Variants in CXCL17 observed in about 807,000 individuals in gnomAD.
CXCL17 encodes C-X-C motif chemokine 17.
Under a neutral mutation model 15.5 loss-of-function variants are expected in CXCL17, and 9 were observed. The ratio of observed to expected loss-of-function variants is 0.58; its 90% CI spans 0.35 to 1.01. CXCL17 has a LOEUF of 1.01. Ranked by LOEUF, CXCL17 falls within the 50% of genes least tolerant of loss-of-function variation. The probability of loss-of-function intolerance (pLI) is 0.02; values close to 1 mark genes in which losing one functional copy is unlikely to be tolerated. For missense variants in CXCL17, 133 were observed against 138.2 expected, an observed-to-expected ratio of 0.96 and a Z score of 0.19; for synonymous variants, 52 against 52.3, an observed-to-expected ratio of 0.99 and a Z score of 0.02.
chr19:42,437,061 C>T (rs1028405731), intron 1 of CXCL17, among the ~76,000 whole-genome samples: 1 of 152,118 alleles, frequency 6.6e-6, no homozygotes, highest in African/African-American at 2.4e-5. Context: ...CCTCAGCCTC[C>T]CAAGTAGCTG....
chr19:42,435,183 A>G (rs1288389721), intron 1 of CXCL17, among the ~76,000 whole-genome samples: 1 of 152,090 alleles, frequency 6.6e-6, no homozygotes, highest in Non-Finnish European at 1.5e-5. Flanking sequence ...GGTCTCAAAA[A>G]AAAAAAAAAA....
chr19:42,440,315 C>T (rs2040879130), intron 1 of CXCL17, among the ~76,000 whole-genome samples: 1 of 152,128 alleles, frequency 6.6e-6, no homozygotes, highest in African/African-American at 2.4e-5. Context: ...CTGTGAAAAG[C>T]ATATTGAGCA....
In CXCL17 at chr19:42,433,720, G is replaced by A. The variant is rs1228297084; in HGVS notation, c.160+56C>T. 4 of 1,455,842 alleles carry A rather than the reference G, an allele frequency of 2.7e-6. No individual in the cohort carries two copies. The African/African-American group carries it at 4.2e-5, about 15-fold the overall frequency. The allele number at this position is 1,455,842 out of a possible 1,614,324, so 90.2% of individuals were successfully genotyped here. On this transcript the variant is annotated intron_variant, in intron 2 of 3. Transcript: ENST00000601181. ...TGCATTGGTCTCAGAGGGGCCCAAG[G>A]GAGAGAGCTGGGGTCATGGTGATGC...
intron 3 of CXCL17, among the ~76,000 whole-genome samples, chr19:42,430,797 AT>A (rs1356584307): frequency 6.6e-6 from 1 of 151,702 alleles, no homozygotes; most frequent in Non-Finnish European, 1.5e-5. Context: ...TTTAAACTTT[AT>A]GTATATATTA....
At chr19:42,431,994 AAAGT>A (rs1426333563) in intron 3 of CXCL17, among the ~76,000 whole-genome samples, 10 of 152,256 alleles carry the variant, frequency 6.6e-5, no homozygotes, top group Admixed American at 3.9e-4. Context: ...GAGATTTCCT[AAAGT>A]AAGATTACTA....
chr19:42,429,019 C>A (rs1395191983), intron 3 of CXCL17, 38 bp from the exon 4 acceptor site: 1 of 1,478,022 alleles, frequency 6.8e-7, no homozygotes, highest in East Asian at 2.3e-5. Context: ...AGTGTTAAAA[C>A]CATTTTTAAC....
intron 2 of CXCL17, 51 bp from the exon 3 acceptor site, chr19:42,433,128 G>A: frequency 3.8e-6 from 5 of 1,319,642 alleles, no homozygotes; most frequent in Middle Eastern, 1.9e-4. Flanking sequence ...CATTTGATAG[G>A]AGGGAGTAGG....
chr19:42,431,285 C>T (rs1049531816), intron 3 of CXCL17, among the ~76,000 whole-genome samples: 1 of 152,242 alleles, frequency 6.6e-6, no homozygotes, highest in African/African-American at 2.4e-5. Flanking sequence ...CTGCCCTCCT[C>T]TCACTGGTCT....
At chr19:42,441,291 G>A (rs1307850465) in intron 1 of CXCL17, among the ~76,000 whole-genome samples, 1 of 152,186 alleles carries the variant, frequency 6.6e-6, no homozygotes, top group Non-Finnish European at 1.5e-5. Flanking sequence ...CGCTCAGGAG[G>A]GAGACCACAT....
At chr19:42,442,637 A>C in intron 1 of CXCL17, 117 bp downstream of exon 1, 2 of 691,680 alleles carry the variant, frequency 2.9e-6, no homozygotes, top group Admixed American at 5.2e-5. Context: ...ACTGGCATTG[A>C]GAAAGGCTCA....
At chr19:42,436,139 T>A (rs981359354) in intron 1 of CXCL17, among the ~76,000 whole-genome samples, 2 of 149,222 alleles carry the variant, frequency 1.3e-5, no homozygotes, top group Non-Finnish European at 2.9e-5. Flanking sequence ...TCCTAACACA[T>A]GGTAGGCATT....
intron 1 of CXCL17, among the ~76,000 whole-genome samples, chr19:42,436,539 A>G (rs1174238843): frequency 6.6e-6 from 1 of 152,088 alleles, no homozygotes; most frequent in Non-Finnish European, 1.5e-5. Flanking sequence ...TTTTGAAAGT[A>G]CAAACAGAGA....
intron 1 of CXCL17, among the ~76,000 whole-genome samples, chr19:42,436,451 G>C (rs921417006): frequency 6.6e-6 from 1 of 151,680 alleles, no homozygotes; most frequent in African/African-American, 2.4e-5. Flanking sequence ...GGAAATCCCA[G>C]AGATTATTTA....
chr19:42,438,384 AT>A lies in CXCL17; in HGVS notation c.79+4369del, dbSNP rs1432046522. On this transcript the variant is annotated intron_variant, in intron 1 of 3. Transcript: ENST00000601181. Reference sequence around the variant, plus strand: ...AAAAAAAAAAAAAAAAAAAAAAAATATATATATATATATATATATATAAAAT... The same window carrying A: ...AAAAAAAAAAAAAAAAAAAAAAAATAATATATATATATATATATATAAAAT... Among the ~76,000 whole-genome samples, 322 of 68,200 alleles carry A rather than the reference AT, an allele frequency of 4.7e-3. 4 individuals carry two copies. The highest frequency in any genetic ancestry group is 0.019 in the African/African-American group (207 of 10,850). The allele number at this position is 68,200 out of a possible 152,430, so 44.7% of individuals were successfully genotyped here. A position where few individuals can be genotyped will look rare whatever the true frequency, so the allele number is the denominator to read the frequency against.
intron 1 of CXCL17, among the ~76,000 whole-genome samples, chr19:42,434,067 C>T (rs1473769968): frequency 6.6e-6 from 1 of 152,136 alleles, no homozygotes; most frequent in Non-Finnish European, 1.5e-5. Flanking sequence ...CTCTTGGGCT[C>T]CAGTGGTCCT....
intron 1 of CXCL17, among the ~76,000 whole-genome samples, chr19:42,440,510 G>T (rs1326934507): frequency 6.6e-6 from 1 of 152,240 alleles, no homozygotes; most frequent in East Asian, 1.9e-4. Context: ...TTGTGATGGC[G>T]CCCCCTGGTG....
intron 1 of CXCL17, among the ~76,000 whole-genome samples, chr19:42,441,678 A>C (rs188483599): frequency 6.6e-6 from 1 of 152,308 alleles, no homozygotes; most frequent in Admixed American, 6.5e-5. Flanking sequence ...TTTAGGACCA[A>C]GTTGATGCTG....
At chr19:42,431,614 AT>A (rs35495939) in intron 3 of CXCL17, among the ~76,000 whole-genome samples, 21 of 150,012 alleles carry the variant, frequency 1.4e-4, no homozygotes, top group South Asian at 1.3e-3. Context: ...TCTCTACATC[AT>A]TTTTTTTTCA....
Position 42,428,961 on chromosome 19 carries a change from T to G in CXCL17, c.283A>C (p.Lys95Gln), listed in dbSNP as rs2040745693. The change falls in exon 4 of 4, where the codon AAG (lysine) becomes CAG (glutamine). Residue 95 changes from lysine to glutamine, a missense_variant. Coordinates refer to ENST00000601181, the MANE Select transcript of CXCL17 (RefSeq NM_198477.3). ...CAGGCTCTGGAATGCTTGTTTGGCT[T>G]TCTGTGGTGCCTTTGGTGTCCTAGG... ...KKTRHQRHHR[K>Q]PNKHSRACQQ... The G allele has an allele frequency of 6.2e-7, 1 of 1,613,972 alleles. No homozygotes were observed. Among genetic ancestry groups the G allele is most frequent in the Admixed American group, 1.7e-5 (1 of 59,998 alleles).
Sources: allele counts gnomAD v4.1 joint callset (sites outside exome capture counted in the v4.1 genomes callset), GRCh38; gene constraint gnomAD v4.1.1; transcripts MANE v1.5; gene names NCBI Gene and HGNC (gene_info 2026-07-23, HGNC 2026-07-21).